The following EYS variants were observed in gnomAD, a reference collection of about 807,000 sequenced individuals.
EYS encodes the protein protein eyes shut homolog.
A neutral mutation model predicts 282.1 loss-of-function variants in EYS; 250 were observed. The ratio of observed to expected loss-of-function variants is 0.89; its 90% CI spans 0.80 to 0.98. The LOEUF (loss-of-function observed/expected upper bound fraction) is 0.98. Among genes scored for constraint, EYS ranks in the 50% least tolerant of loss-of-function variants. The pLI is 0.00. For synonymous variants in EYS, 1,355 were observed against 1,282.9 expected (o/e 1.06, Z -1.20); for missense variants, 4,016 against 3,709.0 (o/e 1.08, Z -2.15).
intron 31 of EYS, among the ~76,000 whole-genome samples, chr6:64,127,620 T>C (rs1773827222): frequency 6.6e-6 from 1 of 152,148 alleles, no homozygotes; most frequent in Non-Finnish European, 1.5e-5. Flanking sequence ...ATTGCTTCTA[T>C]TGAAAATGTA....
At position 65,565,501 on chromosome 6, in the gene EYS, G is replaced by C. The variant is rs187643600; in HGVS notation, c.-332-69508C>G. Among the ~76,000 whole-genome samples the C allele has an allele frequency of 2.8e-3, 423 of 152,170 alleles. 3 individuals carry two copies. Among genetic ancestry groups the C allele is most frequent in the Non-Finnish European group, 4.7e-3 (319 of 68,012 alleles). ...AGGAATGCTTTTACACTGTTGGTGG[G>C]AGTATAAATTAGTGCAACCATTGTG... On this transcript the variant is annotated intron_variant, in intron 2 of 42. Transcript: ENST00000503581.
At chr6:64,228,561 T>C (rs866125536) in intron 31 of EYS, among the ~76,000 whole-genome samples, 5 of 152,184 alleles carry the variant, frequency 3.3e-5, no homozygotes, top group South Asian at 2.1e-4. Flanking sequence ...AAATACTCTA[T>C]AGATTACTTA....
chr6:65,595,017 G>C (rs9784780), intron 2 of EYS, among the ~76,000 whole-genome samples: 1 of 151,906 alleles, frequency 6.6e-6, no homozygotes, highest in African/African-American at 2.4e-5. Flanking sequence ...TGTTCCATTG[G>C]TCTGTATCTC....
intron 12 of EYS, among the ~76,000 whole-genome samples, chr6:65,169,994 G>C (rs2150226761): frequency 6.6e-6 from 1 of 151,632 alleles, no homozygotes; most frequent in East Asian, 2.0e-4. Context: ...GATTATTGTA[G>C]TGCAATCTTC....
intron 26 of EYS, among the ~76,000 whole-genome samples, chr6:64,576,670 A>C (rs1765890995): frequency 6.6e-6 from 1 of 152,226 alleles, no homozygotes; most frequent in East Asian, 1.9e-4. Context: ...CTTTCAAACA[A>C]AATAATTTTA....
At chr6:65,558,587 A>G (rs1389755683) in intron 2 of EYS, among the ~76,000 whole-genome samples, 3 of 152,220 alleles carry the variant, frequency 2.0e-5, no homozygotes, top group Admixed American at 2.0e-4. Flanking sequence ...AGCCTCCTCC[A>G]CTGCAGCTGG....
At chr6:64,100,155 A>G (rs1443584078) in intron 31 of EYS, among the ~76,000 whole-genome samples, 1 of 152,154 alleles carries the variant, frequency 6.6e-6, no homozygotes, top group African/African-American at 2.4e-5. Flanking sequence ...ATTTAAAATA[A>G]TTGTATATAT....
intron 12 of EYS, among the ~76,000 whole-genome samples, chr6:65,268,469 C>T (rs1008839811): frequency 6.6e-5 from 10 of 151,828 alleles, no homozygotes; most frequent in African/African-American, 2.2e-4. Context: ...TTTCCCTACT[C>T]CATAAAATAT....
intron 41 of EYS, among the ~76,000 whole-genome samples, chr6:63,756,402 G>C (rs886065361): frequency 5.9e-5 from 9 of 152,106 alleles, no homozygotes; most frequent in African/African-American, 2.2e-4. Context: ...TTTGGTCATT[G>C]GTTCTGTTTA....
chr6:63,993,198 T>C (rs1026467426), intron 34 of EYS, among the ~76,000 whole-genome samples: 10 of 151,724 alleles, frequency 6.6e-5, no homozygotes, highest in African/African-American at 2.4e-4. Context: ...ACAGAATACA[T>C]ATCATACTCA....
intron 30 of EYS, among the ~76,000 whole-genome samples, chr6:64,299,461 C>A (rs1769154216): frequency 6.6e-6 from 1 of 152,174 alleles, no homozygotes; most frequent in Non-Finnish European, 1.5e-5. Context: ...GGGTCAGACC[C>A]CAGCAGGTGG....
intron 32 of EYS, among the ~76,000 whole-genome samples, chr6:64,067,003 GAA>G (rs1209533284): frequency 2.6e-5 from 4 of 151,914 alleles, no homozygotes; most frequent in Middle Eastern, 3.2e-3. Flanking sequence ...AATATATAGA[GAA>G]AAGAGATAAA....
chr6:64,570,129 G>A (rs1765680272), intron 26 of EYS, among the ~76,000 whole-genome samples: 1 of 152,118 alleles, frequency 6.6e-6, no homozygotes, highest in East Asian at 1.9e-4. Flanking sequence ...AGAGAGTGGG[G>A]GCCAATATTC....
Position 64,469,738 on chromosome 6 carries a change from T to C in EYS, c.5645-30386A>G, listed in dbSNP as rs934415842. Among the ~76,000 whole-genome samples, 3 of 151,986 alleles carry C rather than the reference T, an allele frequency of 2.0e-5. No homozygotes were observed. The East Asian group carries it at 5.8e-4, about 30-fold the overall frequency. On this transcript the variant is annotated intron_variant, in intron 26 of 42. Coordinates refer to ENST00000503581, the MANE Select transcript of EYS (RefSeq NM_001142800.2). ...TTCCCTGGGGGAGTTTAGAGAAGACTCTACTCCTACACCTCTTGTGGAGGG... is the reference window on the plus strand; with the variant it reads ...TTCCCTGGGGGAGTTTAGAGAAGACCCTACTCCTACACCTCTTGTGGAGGG...
intron 22 of EYS, among the ~76,000 whole-genome samples, chr6:64,800,060 T>C (rs1311489383): frequency 1.3e-5 from 2 of 152,010 alleles, no homozygotes; most frequent in African/African-American, 4.8e-5. Context: ...CTGAAAAATT[T>C]TGGGAGAAGC....
At chr6:64,859,330 C>A (rs1021754333) in intron 19 of EYS, among the ~76,000 whole-genome samples, 34 of 150,010 alleles carry the variant, frequency 2.3e-4, no homozygotes, top group Admixed American at 1.3e-3. Context: ...CTATAAATCC[C>A]ATTTACAGTA....
rs1196453145 is a variant in EYS at position 64,244,829 on chromosome 6, CT to C, written c.6192-14006del. 3.3e-5 allele frequency among the ~76,000 whole-genome samples: 5 copies of C among 152,026 alleles called. No individual in the cohort carries two copies. In the East Asian group the frequency reaches 7.7e-4, roughly 23 times the overall value. On this transcript the variant is annotated intron_variant, in intron 30 of 42. Coordinates refer to ENST00000503581, the MANE Select transcript of EYS (RefSeq NM_001142800.2). Reference sequence around the variant, plus strand: ...TATTTGCTAATATTTTATTTTCTATCTTTTTTTAAAAATTATACTTTAAGTT... The same window carrying C: ...TATTTGCTAATATTTTATTTTCTATCTTTTTTAAAAATTATACTTTAAGTT...
At chr6:65,298,038 T>C (rs1582113345) in intron 11 of EYS, among the ~76,000 whole-genome samples, 1 of 152,130 alleles carries the variant, frequency 6.6e-6, no homozygotes, top group Non-Finnish European at 1.5e-5. Context: ...TGTTATTCCA[T>C]GAAAATGAAA....
intron 28 of EYS, among the ~76,000 whole-genome samples, chr6:64,390,341 A>T (rs1773074268): frequency 1.3e-5 from 2 of 152,176 alleles, no homozygotes; most frequent in Admixed American, 1.3e-4. Flanking sequence ...AAACAAAAAG[A>T]CAGCAGTAAC....
Sources: allele counts gnomAD v4.1 joint callset (sites outside exome capture counted in the v4.1 genomes callset), GRCh38; gene constraint gnomAD v4.1.1; transcripts MANE v1.5; gene names NCBI Gene and HGNC (gene_info 2026-07-23, HGNC 2026-07-21).